The following CGGBP1 variants were observed in gnomAD, a reference collection of about 807,000 sequenced individuals.
CGGBP1 encodes CGG triplet repeat binding protein 1.
Under a neutral mutation model 11.4 loss-of-function variants are expected in CGGBP1, and 4 were observed. The ratio of observed to expected loss-of-function variants is 0.35; its 90% CI spans 0.17 to 0.80. CGGBP1 has a LOEUF of 0.80. CGGBP1 is among the 30% of genes least tolerant of loss of function. The pLI is 0.52. For missense variants in CGGBP1, 135 were observed against 202.1 expected (o/e 0.67, Z 2.01); for synonymous variants, 76 against 74.1 (o/e 1.03, Z -0.13).
chr3:88,078,485 C>T (rs1196142781), intron 2 of CGGBP1, among the ~76,000 whole-genome samples: 1 of 152,020 alleles, frequency 6.6e-6, no homozygotes, highest in Non-Finnish European at 1.5e-5. Context: ...TTTGAAGATA[C>T]AAATAACTGA....
At chr3:88,095,579 G>A (rs748125844) in intron 2 of CGGBP1, 8 of 520,250 alleles carry the variant, frequency 1.5e-5, no homozygotes, top group Admixed American at 4.0e-5. Flanking sequence ...AACATAAATT[G>A]CCACAGGAAT....
chr3:88,082,508 T>C (rs1227631389), intron 2 of CGGBP1, among the ~76,000 whole-genome samples: 7 of 152,328 alleles, frequency 4.6e-5, no homozygotes, highest in Admixed American at 3.9e-4. Context: ...ATGACACCTA[T>C]GAACTGTGAG....
chr3:88,066,978 A>T (rs1289325764), intron 2 of CGGBP1, among the ~76,000 whole-genome samples: 1 of 152,076 alleles, frequency 6.6e-6, no homozygotes, highest in Non-Finnish European at 1.5e-5. Flanking sequence ...ATTTGGGAGG[A>T]GGTTGAATTG....
At chr3:88,087,473 C>T (rs2107666033) in intron 2 of CGGBP1, among the ~76,000 whole-genome samples, 1 of 152,148 alleles carries the variant, frequency 6.6e-6, no homozygotes, top group East Asian at 1.9e-4. Context: ...TAAGAACCCA[C>T]TAAAATTATA....
chr3:88,116,381 G>T (rs1705393688), intron 2 of CGGBP1, among the ~76,000 whole-genome samples: 1 of 151,866 alleles, frequency 6.6e-6, no homozygotes, highest in African/African-American at 2.4e-5. Flanking sequence ...TTAGCAGGTC[G>T]TGGCGGCTCA....
At chr3:88,092,854 T>C (rs1221378462) in intron 2 of CGGBP1, among the ~76,000 whole-genome samples, 1 of 152,216 alleles carries the variant, frequency 6.6e-6, no homozygotes, top group Non-Finnish European at 1.5e-5. Context: ...ATTATACATA[T>C]GTATTGATCT....
chr3:88,128,692 G>A (rs1396769870), intron 2 of CGGBP1: 1 of 663,868 alleles, frequency 1.5e-6, no homozygotes, highest in Non-Finnish European at 2.4e-6. Context: ...TAAGGAAAAT[G>A]CTATTTAAGT....
chr3:88,133,607 AAAGTGAG>A (rs1473931901), intron 2 of CGGBP1, among the ~76,000 whole-genome samples: 5 of 152,172 alleles, frequency 3.3e-5, no homozygotes, highest in Non-Finnish European at 7.4e-5. Flanking sequence ...AGCATAAACA[AAAGTGAG>A]AATAAATGAA....
At chr3:88,068,376 A>C (rs1707320642) in intron 2 of CGGBP1, among the ~76,000 whole-genome samples, 1 of 152,078 alleles carries the variant, frequency 6.6e-6, no homozygotes, top group Non-Finnish European at 1.5e-5. Flanking sequence ...TGAAGGGAGA[A>C]GAAAAGTGGT....
chr3:88,146,338 C>G (rs938043563), intron 1 of CGGBP1, among the ~76,000 whole-genome samples: 2 of 152,090 alleles, frequency 1.3e-5, no homozygotes, highest in Non-Finnish European at 2.9e-5. Flanking sequence ...AAATTAGTTG[C>G]CAAGACATTT....
intron 2 of CGGBP1, chr3:88,086,114 C>A: frequency 1.7e-6 from 1 of 598,008 alleles, no homozygotes; most frequent in Non-Finnish European, 2.8e-6. Flanking sequence ...TCAAAATAAA[C>A]AGTATAGAAG....
intron 2 of CGGBP1, among the ~76,000 whole-genome samples, chr3:88,121,958 G>T (rs1296636109): frequency 6.6e-6 from 1 of 152,098 alleles, no homozygotes; most frequent in Non-Finnish European, 1.5e-5. Context: ...TATTGAGAAT[G>T]TATCTTCTCT....
intron 2 of CGGBP1, among the ~76,000 whole-genome samples, chr3:88,064,244 G>A (rs1192559482): frequency 2.6e-4 from 40 of 151,744 alleles, no homozygotes; most frequent in Non-Finnish European, 2.1e-4. Context: ...ATATTTATAA[G>A]TAATTTTTTC....
At chr3:88,142,296 C>CAA (rs77096741) in intron 1 of CGGBP1, 117,828 of 151,028 alleles carry the variant, frequency 0.78, 46,868 homozygotes, top group South Asian at 0.91. Flanking sequence ...AAAAACAAAA[C>CAA]AAAAAAAACC....
chr3:88,142,560 G>A (rs1707183497), intron 1 of CGGBP1: 1 of 151,128 alleles, frequency 6.6e-6, no homozygotes, highest in Admixed American at 6.6e-5. Context: ...TTGGGACATT[G>A]CTTGATGATT....
intron 2 of CGGBP1, among the ~76,000 whole-genome samples, chr3:88,120,470 C>T (rs1184184809): frequency 2.0e-5 from 3 of 151,830 alleles, no homozygotes; most frequent in Admixed American, 2.0e-4. Context: ...GAGTGGTAGT[C>T]GATAGAGGCC....
In CGGBP1 at chr3:88,052,079, A is replaced by G. The variant is rs1202653101; in HGVS notation, c.*3394T>C. 3 of 152,676 alleles carry G rather than the reference A, an allele frequency of 2.0e-5. No individual in the cohort carries two copies. Among genetic ancestry groups the G allele is most frequent in the Non-Finnish European group, 4.4e-5 (3 of 68,044 alleles). The allele number at this position is 152,676 out of a possible 1,614,324, so 9.5% of individuals were successfully genotyped here. A position where few individuals can be genotyped will look rare whatever the true frequency, so the allele number is the denominator to read the frequency against. Reference sequence around the variant, plus strand: ...ACAAAACTTTAGAAGTGACACATTTATACTAAGCATACATGCGTGAGCAAA... The same window carrying G: ...ACAAAACTTTAGAAGTGACACATTTGTACTAAGCATACATGCGTGAGCAAA... On this transcript the variant is annotated 3_prime_UTR_variant, in exon 4 of 4. Transcript: ENST00000482016.
intron 1 of CGGBP1, among the ~76,000 whole-genome samples, chr3:88,148,660 G>C (rs1474022523): frequency 3.9e-5 from 6 of 152,022 alleles, no homozygotes; most frequent in Non-Finnish European, 5.9e-5. Flanking sequence ...TTTGAGACAG[G>C]GTCTCGCTCT....
In CGGBP1 at chr3:88,052,325, CAT is replaced by C. The variant is rs763307580; in HGVS notation, c.*3146_*3147del. ...TTTTAGGCTAAGATTGGCAAAAAAT[CAT>C]AGACCCAATTTTCCTTGTTATGAAT... On this transcript the variant is annotated 3_prime_UTR_variant, in exon 4 of 4. Transcript: ENST00000482016. 1.3e-5 allele frequency: 2 copies of C among 152,678 alleles called. No individual in the cohort carries two copies. Among genetic ancestry groups the C allele is most frequent in the East Asian group, 3.9e-4 (2 of 5,186 alleles). 9.5% of individuals were successfully genotyped at this position (152,678 alleles called of 1,614,324 possible). A position where few individuals can be genotyped will look rare whatever the true frequency, so the allele number is the denominator to read the frequency against.
Sources: allele counts gnomAD v4.1 joint callset (sites outside exome capture counted in the v4.1 genomes callset), GRCh38; gene constraint gnomAD v4.1.1; transcripts MANE v1.5; gene names NCBI Gene and HGNC (gene_info 2026-07-23, HGNC 2026-07-21).